OGFOD1: variants seen among roughly 807,000 people sequenced by gnomAD.
OGFOD1 encodes prolyl 3-hydroxylase OGFOD1.
In OGFOD1, 54 loss-of-function variants were observed where a neutral mutation model predicts 67.7. The ratio of observed to expected loss-of-function variants is 0.80; its 90% CI spans 0.64 to 1.00. The LOEUF is 1.00. Ranked by LOEUF, OGFOD1 falls within the 50% of genes least tolerant of loss-of-function variation. The probability of loss-of-function intolerance (pLI) is 0.00; values close to 1 mark genes in which losing one functional copy is unlikely to be tolerated. For missense variants in OGFOD1, 606 were observed against 646.7 expected (o/e 0.94, Z 0.68); for synonymous variants, 221 against 227.0 (o/e 0.97, Z 0.24).
chr16:56,451,527 G>T (rs1220112418), upstream of OGFOD1: 4 of 1,475,230 alleles, frequency 2.7e-6, no homozygotes, highest in Non-Finnish European at 3.7e-6. Context: ...CGGGAAACAC[G>T]ATAAAGGGGA....
chr16:56,454,493 CTT>C (rs77913439), intron 2 of OGFOD1, among the ~76,000 whole-genome samples: 20 of 136,576 alleles, frequency 1.5e-4, no homozygotes, highest in African/African-American at 2.2e-4. Flanking sequence ...AAGACTATCT[CTT>C]TTTTTTTTTT....
chr16:56,458,803 C>G, intron 3 of OGFOD1: 1 of 526,230 alleles, frequency 1.9e-6, no homozygotes. Context: ...GATTCCAAGG[C>G]CCAAGTTCTC....
intron 10 of OGFOD1, among the ~76,000 whole-genome samples, chr16:56,471,091 C>A (rs1456965211): frequency 6.6e-6 from 1 of 151,930 alleles, no homozygotes; most frequent in Non-Finnish European, 1.5e-5. Context: ...GTGGCTTACA[C>A]CTATAATCCC....
intron 2 of OGFOD1, among the ~76,000 whole-genome samples, chr16:56,454,417 A>G (rs1399290930): frequency 4.7e-5 from 7 of 149,824 alleles, no homozygotes; most frequent in Non-Finnish European, 8.9e-5. Flanking sequence ...TATGCTCTAC[A>G]TTGCAGTAGG....
chr16:56,475,415 A>G, intron 11 of OGFOD1, 92 bp from the exon 12 acceptor site: 1 of 1,122,182 alleles, frequency 8.9e-7, no homozygotes, highest in Non-Finnish European at 1.4e-6. Context: ...CAGATCCCCC[A>G]CTGTTAAGCA....
At chr16:56,471,761 C>T (rs915669604) in intron 10 of OGFOD1, among the ~76,000 whole-genome samples, 6 of 152,218 alleles carry the variant, frequency 3.9e-5, no homozygotes, top group Non-Finnish European at 7.3e-5. Flanking sequence ...ACTTTGGCCA[C>T]TGCAGATATT....
chr16:56,477,988 T>C lies in OGFOD1; in HGVS notation c.*1783T>C, dbSNP rs1019585251. 2.6e-5 allele frequency: 4 copies of C among 152,248 alleles called. No homozygotes were observed. The highest frequency in any genetic ancestry group is 4.4e-5 in the Non-Finnish European group (3 of 68,048). 9.4% of individuals were successfully genotyped at this position (152,248 alleles called of 1,614,324 possible). A position where few individuals can be genotyped will look rare whatever the true frequency, so the allele number is the denominator to read the frequency against. ...TGTTTTAGCAGGTATGCCCTTGATATGGATATTTATATATTTTACACATGT... is the reference window on the plus strand; with the variant it reads ...TGTTTTAGCAGGTATGCCCTTGATACGGATATTTATATATTTTACACATGT... On this transcript the variant is annotated 3_prime_UTR_variant, in exon 13 of 13. Transcript: ENST00000566157.
Position 56,465,972 on chromosome 16 carries a change from T to C in OGFOD1, c.449-180T>C, listed in dbSNP as rs529339529. ...TGCTCTTTATTTTTAGAGTTTTCTA[T>C]ATTGACTTATTTGTTTACTTATAAA... On this transcript the variant is annotated intron_variant, in intron 4 of 12. Transcript: ENST00000566157. The C allele has an allele frequency of 9.7e-5, 52 of 537,692 alleles. No homozygotes were observed. The South Asian group carries it at 1.2e-3, about 12-fold the overall frequency. 33.3% of individuals were successfully genotyped at this position (537,692 alleles called of 1,614,324 possible).
rs764615489 is a variant in OGFOD1 at position 56,477,957 on chromosome 16, A to C, written c.*1752A>C. 1 of 152,226 alleles carries C rather than the reference A, an allele frequency of 6.6e-6. No individual in the cohort carries two copies. Among genetic ancestry groups the C allele is most frequent in the African/African-American group, 2.4e-5 (1 of 41,464 alleles). 9.4% of individuals were successfully genotyped at this position (152,226 alleles called of 1,614,324 possible). Reference sequence around the variant, plus strand: ...GTTTAATTCTGCACCCTAGCCAGTTAAGAAATGTTTTAGCAGGTATGCCCT... The same window carrying C: ...GTTTAATTCTGCACCCTAGCCAGTTCAGAAATGTTTTAGCAGGTATGCCCT... On this transcript the variant is annotated 3_prime_UTR_variant, in exon 13 of 13. Transcript: ENST00000566157.
At chr16:56,465,124 T>G (rs1962852706) in intron 4 of OGFOD1, among the ~76,000 whole-genome samples, 1 of 151,918 alleles carries the variant, frequency 6.6e-6, no homozygotes, top group Non-Finnish European at 1.5e-5. Flanking sequence ...CTCAGCCTCC[T>G]GAGTAGCTGG....
At chr16:56,455,258 T>G (rs1251090084) in intron 2 of OGFOD1, among the ~76,000 whole-genome samples, 5 of 151,332 alleles carry the variant, frequency 3.3e-5, no homozygotes, top group African/African-American at 1.2e-4. Context: ...TCCCAGCTAC[T>G]CGGAAGGCTG....
At chr16:56,470,180 C>A in intron 9 of OGFOD1, 98 bp downstream of exon 9, 1 of 1,058,776 alleles carries the variant, frequency 9.4e-7, no homozygotes, top group Non-Finnish European at 1.4e-6. Flanking sequence ...GAAAAATAGA[C>A]TGAGGTGATG....
At chr16:56,454,801 GA>G (rs1181313398) in intron 2 of OGFOD1, 8 of 444,902 alleles carry the variant, frequency 1.8e-5, no homozygotes, top group Admixed American at 1.7e-4. Flanking sequence ...GTTGTATCCT[GA>G]CCTTCCCCAG....
intron 10 of OGFOD1, among the ~76,000 whole-genome samples, chr16:56,471,347 G>A (rs1214319774): frequency 1.3e-5 from 2 of 150,032 alleles, no homozygotes; most frequent in African/African-American, 2.5e-5. Flanking sequence ...GGGCAACAGA[G>A]CGAGACTACA....
Position 56,470,090 on chromosome 16 carries a change from C to G in OGFOD1, c.980+8C>G. 6.2e-7 allele frequency: 1 copy of G among 1,612,044 alleles called. No individual in the cohort carries two copies. Among genetic ancestry groups the G allele is most frequent in the Non-Finnish European group, 8.5e-7 (1 of 1,178,248 alleles). On this transcript the variant is annotated splice_region_variant and intron_variant, in intron 9 of 12. Transcript: ENST00000566157. ...AGGTCCCCCTAACAAAAGGTAGAAC[C>G]CGTCATCTGAGATATTTGCTTCTAC...
At chr16:56,458,708 A>G (rs1699501152) in intron 3 of OGFOD1, 114 bp downstream of exon 3, 1 of 878,450 alleles carries the variant, frequency 1.1e-6, no homozygotes, top group South Asian at 1.5e-5. Context: ...TTGTTAACCC[A>G]CTTTGTAGAG....
rs750114663 is a variant in OGFOD1, at chr16:56,451,612, G to A, written c.-1G>A. On this transcript the variant is annotated 5_prime_UTR_variant, in exon 1 of 13. Coordinates refer to ENST00000566157, the MANE Select transcript of OGFOD1 (RefSeq NM_018233.4). ...GGCGTGGTTCTGTGCCTTGGGAAGA[G>A]ATGAATGGGAAGCGGCCAGCGGAGC... is the stretch of plus-strand genomic sequence containing the variant. 4 of 1,613,634 alleles carry A rather than the reference G, an allele frequency of 2.5e-6. No individual in the cohort carries two copies. The East Asian group carries it at 8.9e-5, about 36-fold the overall frequency.
rs1330233212 is a variant in OGFOD1, at chr16:56,476,082, G to A, written c.1506G>A (p.Leu502=). The change falls in exon 13 of 13, where the codon TTG becomes TTA. Residue 502 remains leucine (L), a synonymous_variant. Coordinates refer to ENST00000566157, the MANE Select transcript of OGFOD1 (RefSeq NM_018233.4). ...ATCCAGAAAGCAATTCTTTGGCATT[G>A]GTCTACAGAGACAGAGAGACTCTGA... ...TVNPESNSLA[L]VYRDRETLKF... 6.2e-7 allele frequency: 1 copy of A among 1,613,602 alleles called. No homozygotes were observed. The highest frequency in any genetic ancestry group is 1.3e-5 in the African/African-American group (1 of 75,002).
intron 7 of OGFOD1, 113 bp from the exon 8 acceptor site, chr16:56,467,792 G>GATTA (rs1962968272): frequency 2.9e-6 from 2 of 690,990 alleles, no homozygotes; most frequent in Admixed American, 5.0e-5. Flanking sequence ...TACTTTAATA[G>GATTA]GAGAAACTTA....
Sources: allele counts gnomAD v4.1 joint callset (sites outside exome capture counted in the v4.1 genomes callset), GRCh38; gene constraint gnomAD v4.1.1; transcripts MANE v1.5; gene names NCBI Gene and HGNC (gene_info 2026-07-23, HGNC 2026-07-21).